Variants in HLA-DQA2 observed in about 807,000 individuals in gnomAD.
The protein encoded by HLA-DQA2 is major histocompatibility complex, class II, DQ alpha 2.
HLA-DQA2 carries 17 observed loss-of-function variants against 21.0 expected under a neutral mutation model. The observed-to-expected ratio is 0.81, with a 90% CI of 0.56 to 1.22. HLA-DQA2 has a LOEUF of 1.22. HLA-DQA2 is among the 50% of genes most tolerant of loss of function. HLA-DQA2 has a pLI of 0.00. For missense variants in HLA-DQA2, 239 were observed against 308.8 expected (o/e 0.77, Z 1.69); for synonymous variants, 81 against 116.5 (o/e 0.70, Z 1.96).
Position 32,745,348 on chromosome 6 carries a change from T to C in HLA-DQA2, c.272T>C (p.Val91Ala). 1 of 1,613,406 alleles carries C rather than the reference T, an allele frequency of 6.2e-7. No individual in the cohort carries two copies. The highest frequency in any genetic ancestry group is 8.5e-7 in the Non-Finnish European group (1 of 1,179,902). ...CAGAGTGCACTGAGAAATATGGCTG[T>C]GGGAAAACACACCTTGGAATTCATG... ...DPQSALRNMA[V>A]GKHTLEFMMR... is the part of the protein sequence containing the mutation. The change falls in exon 2 of 5, where the codon GTG becomes GCG. Residue 91 changes from valine (V) to alanine (A), a missense_variant. Transcript: ENST00000374940.
At position 32,746,289 on chromosome 6, in the gene HLA-DQA2, C is replaced by T. The variant is rs572758897; in HGVS notation, c.663C>T (p.Cys221=). ...PMSELTETLV[C]ALGLSVGLMG... The stretch of plus-strand genomic sequence containing the variant: ...CAGAGCTCACAGAGACTTTGGTCTG[C>T]GCCCTGGGGTTGTCTGTGGGCCTCA... The change falls in exon 4 of 5, where the codon TGC becomes TGT. Residue 221 remains cysteine, a synonymous_variant. Coordinates refer to ENST00000374940, the MANE Select transcript of HLA-DQA2 (RefSeq NM_020056.5). 8.8e-5 allele frequency: 142 copies of T among 1,613,030 alleles called. No homozygotes were observed. Among genetic ancestry groups the T allele is most frequent in the South Asian group, 2.9e-4 (26 of 91,074 alleles).
chr6:32,745,256 G>T lies in HLA-DQA2; in HGVS notation c.180G>T (p.Val60=), dbSNP rs1185456014. ...TTGATGGAGACGAGGAGTTCTATGT[G>T]GACCTGGAGACGAAAGAGACTGTCT... ...HEFDGDEEFY[V]DLETKETVWQ... The change falls in exon 2 of 5, where the codon GTG becomes GTT. Residue 60 remains valine, a synonymous_variant. Transcript: ENST00000374940. 1.2e-6 allele frequency: 2 copies of T among 1,613,908 alleles called. No individual in the cohort carries two copies. Among genetic ancestry groups the T allele is most frequent in the African/African-American group, 1.3e-5 (1 of 74,864 alleles).
chr6:32,745,342 T>C lies in HLA-DQA2; in HGVS notation c.266T>C (p.Met89Thr), dbSNP rs771296596. ...GACCCGCAGAGTGCACTGAGAAATATGGCTGTGGGAAAACACACCTTGGAA... is the reference window on the plus strand; with the variant it reads ...GACCCGCAGAGTGCACTGAGAAATACGGCTGTGGGAAAACACACCTTGGAA... ...SFDPQSALRNMAVGKHTLEFM... is the reference protein window; with the variant it reads ...SFDPQSALRNTAVGKHTLEFM... The change falls in exon 2 of 5, where the codon ATG becomes ACG. Residue 89 changes from methionine (M) to threonine (T), a missense_variant. Physicochemically the swap from Met to Thr is moderately conservative, Grantham distance 81. Coordinates refer to ENST00000374940, the MANE Select transcript of HLA-DQA2 (RefSeq NM_020056.5). 2.5e-6 allele frequency: 4 copies of C among 1,582,688 alleles called. No individual in the cohort carries two copies. The highest frequency in any genetic ancestry group is 2.2e-5 in the East Asian group (1 of 44,504).
chr6:32,745,035 T>C, intron 1 of HLA-DQA2, 124 bp from the exon 2 acceptor site: 2 of 1,140,970 alleles, frequency 1.8e-6, no homozygotes, highest in Non-Finnish European at 2.5e-6. Flanking sequence ...TTAGGAAGAT[T>C]GTTCAGGGAC....
At position 32,745,922 on chromosome 6, in the gene HLA-DQA2, A is replaced by C. The variant is rs564004411; in HGVS notation, c.463A>C (p.Thr155Pro). The C allele has an allele frequency of 6.8e-6, 11 of 1,613,176 alleles. No homozygotes were observed. The East Asian group carries it at 2.5e-4, about 36-fold the overall frequency. ...ITWLSNGHSV[T>P]EGVSETSFLS... ...CTGGCTGAGCAATGGGCACTCAGTCACAGAAGGTGTTTCTGAGACCAGCTT... is the reference window on the plus strand; with the variant it reads ...CTGGCTGAGCAATGGGCACTCAGTCCCAGAAGGTGTTTCTGAGACCAGCTT... Residue 155 changes from threonine (T) to proline (P), a missense_variant, in exon 3 of 5, where the codon ACA becomes CCA. Physicochemically the swap from Thr to Pro is conservative, Grantham distance 38. Transcript: ENST00000374940.
At chr6:32,742,191 T>A (rs1261069545) in intron 1 of HLA-DQA2, among the ~76,000 whole-genome samples, 1 of 152,250 alleles carries the variant, frequency 6.6e-6, no homozygotes, top group Non-Finnish European at 1.5e-5. Flanking sequence ...AAAACATGAA[T>A]GTCAACTTTT....
chr6:32,742,444 C>T (rs9461806), intron 1 of HLA-DQA2, among the ~76,000 whole-genome samples: 77,977 of 149,200 alleles, frequency 0.52, 20,544 homozygotes, highest in East Asian at 0.75. Context: ...TCCATCTCTT[C>T]CCACCTCTCT....
chr6:32,744,955 G>A (rs1351716040), intron 1 of HLA-DQA2, among the ~76,000 whole-genome samples: 2 of 152,106 alleles, frequency 1.3e-5, no homozygotes, highest in African/African-American at 2.4e-5. Context: ...TGGAGCATAT[G>A]TTATAGTGAG....
chr6:32,742,330 A>C (rs1005984739), intron 1 of HLA-DQA2, among the ~76,000 whole-genome samples: 1 of 152,244 alleles, frequency 6.6e-6, no homozygotes, highest in Non-Finnish European at 1.5e-5. Context: ...CAAATTGTCA[A>C]CCCAAATTAC....
intron 4 of HLA-DQA2, 63 bp downstream of exon 4, chr6:32,746,477 T>C: frequency 6.3e-7 from 1 of 1,584,442 alleles, no homozygotes; most frequent in Non-Finnish European, 8.7e-7. Context: ...GGGAGGGGGT[T>C]GTGGACATGA....
At chr6:32,742,630 T>C (rs115018313) in intron 1 of HLA-DQA2, among the ~76,000 whole-genome samples, 2,202 of 152,230 alleles carry the variant, frequency 0.014, 4 homozygotes, top group Non-Finnish European at 0.022. Flanking sequence ...GCTGCTCCCA[T>C]TCTGATTTTG....
At chr6:32,743,685 T>C (rs992680787) in intron 1 of HLA-DQA2, among the ~76,000 whole-genome samples, 1 of 152,192 alleles carries the variant, frequency 6.6e-6, no homozygotes, top group Non-Finnish European at 1.5e-5. Flanking sequence ...ATATTCATGT[T>C]TGAACAAGGA....
intron 4 of HLA-DQA2, 69 bp downstream of exon 4, chr6:32,746,483 C>T: frequency 1.9e-6 from 3 of 1,575,006 alleles, no homozygotes; most frequent in Non-Finnish European, 2.6e-6. Flanking sequence ...GGGTTGTGGA[C>T]ATGAATGTGG....
intron 1 of HLA-DQA2, among the ~76,000 whole-genome samples, chr6:32,744,615 A>G (rs1182095220): frequency 1.3e-5 from 2 of 152,026 alleles, no homozygotes; most frequent in Admixed American, 6.5e-5. Flanking sequence ...CTTGTACCCT[A>G]TAATTGTTAG....
rs1763541200 is a variant in HLA-DQA2 at position 32,745,834 on chromosome 6, G to A, written c.375G>A (p.Leu125=). 6.2e-7 allele frequency: 1 copy of A among 1,613,116 alleles called. No individual in the cohort carries two copies. The highest frequency in any genetic ancestry group is 8.5e-7 in the Non-Finnish European group (1 of 1,180,048). ...VTVFSKFPVT[L]GQPNTLICLV... ...TGTTTTCCAAGTTTCCTGTGACGCT[G>A]GGTCAGCCCAACACCCTCATCTGTC... The change falls in exon 3 of 5, where the codon CTG becomes CTA. Residue 125 remains leucine (L), a synonymous_variant. Coordinates refer to ENST00000374940, the MANE Select transcript of HLA-DQA2 (RefSeq NM_020056.5).
chr6:32,746,518 A>C (rs1230241734), intron 4 of HLA-DQA2, 64 bp from the exon 5 acceptor site: 1 of 1,360,712 alleles, frequency 7.3e-7, no homozygotes, highest in Non-Finnish European at 1.0e-6. Flanking sequence ...CGAATTGGGA[A>C]GTGGCATGAT....
At chr6:32,744,080 T>C (rs9276427) in intron 1 of HLA-DQA2, among the ~76,000 whole-genome samples, 88,084 of 151,994 alleles carry the variant, frequency 0.58, 26,485 homozygotes, top group East Asian at 0.84. Context: ...CCTCACAGAA[T>C]TCCCCAAAGT....
chr6:32,746,053 G>C lies in HLA-DQA2; in HGVS notation c.594G>C (p.Glu198Asp). ...DCKVEHWGLDEPLLKHWEPEI... is the reference protein window; with the variant it reads ...DCKVEHWGLDDPLLKHWEPEI... ...AGGTGGAGCACTGGGGCCTGGACGA[G>C]CCTCTTCTGAAACACTGGGGTAAGG... Residue 198 changes from glutamate (E) to aspartate (D), a missense_variant, in exon 3 of 5, where the codon GAG (glutamate) becomes GAC (aspartate). Coordinates refer to ENST00000374940, the MANE Select transcript of HLA-DQA2 (RefSeq NM_020056.5). The C allele has an allele frequency of 6.2e-7, 1 of 1,611,354 alleles. No individual in the cohort carries two copies. The highest frequency in any genetic ancestry group is 8.5e-7 in the Non-Finnish European group (1 of 1,179,418).
In HLA-DQA2 at chr6:32,746,244, T is replaced by C. The variant is rs780164959; in HGVS notation, c.618T>C (p.Pro206=). 2 of 1,612,236 alleles carry C rather than the reference T, an allele frequency of 1.2e-6. No homozygotes were observed. Among genetic ancestry groups the C allele is most frequent in the African/African-American group, 2.7e-5 (2 of 74,916 alleles). ...TCAACAGCTCCACTTTCACAGAGCC[T>C]GAGATTCCAGCCCCTATGTCAGAGC... ...LDEPLLKHWE[P]EIPAPMSELT... is the part of the protein sequence containing the mutation. Residue 206 remains proline, a synonymous_variant, in exon 4 of 5, where the codon CCT becomes CCC. Coordinates refer to ENST00000374940, the MANE Select transcript of HLA-DQA2 (RefSeq NM_020056.5).
Sources: gnomAD v4.1 joint callset for allele counts (sites outside exome capture counted in the v4.1 genomes callset) on GRCh38, gnomAD v4.1.1 for gene constraint, MANE v1.5 for transcripts, NCBI Gene and HGNC (gene_info 2026-07-23, HGNC 2026-07-21) for gene names.